STYK1: variants seen among roughly 807,000 people sequenced by gnomAD.
STYK1 encodes the protein tyrosine-protein kinase STYK1.
A neutral mutation model predicts 48.1 loss-of-function variants in STYK1; 46 were observed. That is an observed-to-expected ratio of 0.96 (90% CI 0.75 to 1.22). The LOEUF is 1.22. Ranked by LOEUF, STYK1 falls within the 50% of genes most tolerant of loss-of-function variation. STYK1 has a pLI of 0.00. For missense variants in STYK1, 527 were observed against 521.1 expected (o/e 1.01, Z -0.11); for synonymous variants, 188 against 189.0 (o/e 0.99, Z 0.04).
At chr12:10,666,409 T>C (rs2120815332) in intron 1 of STYK1, among the ~76,000 whole-genome samples, 1 of 152,352 alleles carries the variant, frequency 6.6e-6, no homozygotes. Flanking sequence ...TACTGTCTCC[T>C]AAAGTTGTCC....
chr12:10,631,277 T>G lies in STYK1; in HGVS notation c.219A>C (p.Leu73=), dbSNP rs1947425862. Residue 73 remains leucine (L), a synonymous_variant, in exon 5 of 11, where the codon CTA becomes CTC. Transcript: ENST00000075503. ...GIAPVPPPRD[L]SWEAGHGGNV... is the part of the protein sequence containing the mutation. Reference sequence around the variant, plus strand: ...TTCCTCCATGTCCTGCTTCCCAGCTTAGGTCCCTAGGTGGAGGAACAGGGG... The same window carrying G: ...TTCCTCCATGTCCTGCTTCCCAGCTGAGGTCCCTAGGTGGAGGAACAGGGG... 1 of 1,614,068 alleles carries G rather than the reference T, an allele frequency of 6.2e-7. No individual in the cohort carries two copies. Among genetic ancestry groups the G allele is most frequent in the African/African-American group, 1.3e-5 (1 of 74,906 alleles).
In STYK1 at chr12:10,634,548, C is replaced by T; in HGVS notation, c.52+19G>A. On this transcript the variant is annotated intron_variant, in intron 3 of 10. Coordinates refer to ENST00000075503, the MANE Select transcript of STYK1 (RefSeq NM_018423.3). The stretch of plus-strand genomic sequence containing the variant: ...AATTCTAAAATCAGAGGATAGACAT[C>T]TGTGGAATCCGTACTTACCACACAA... 1 of 1,611,242 alleles carries T rather than the reference C, an allele frequency of 6.2e-7. No homozygotes were observed. The highest frequency in any genetic ancestry group is 1.7e-4 in the Middle Eastern group (1 of 6,056).
chr12:10,628,198 C>T (rs1947381865), intron 6 of STYK1, among the ~76,000 whole-genome samples: 1 of 152,148 alleles, frequency 6.6e-6, no homozygotes, highest in Non-Finnish European at 1.5e-5. Flanking sequence ...ACATGTGAAT[C>T]AGAATCAAAT....
intron 4 of STYK1, among the ~76,000 whole-genome samples, chr12:10,632,596 C>CAGATAACTAACAGGACTGACTGTATTAAA (rs1947441868): frequency 6.6e-6 from 1 of 152,054 alleles, no homozygotes; most frequent in Non-Finnish European, 1.5e-5. Flanking sequence ...AGATTTCAAG[C>CAGATAACTAACAGGACTGACTGTATTAAA]AGATAACTAA....
intron 1 of STYK1, among the ~76,000 whole-genome samples, chr12:10,655,840 A>G (rs139928297): frequency 2.0e-3 from 302 of 152,344 alleles, no homozygotes; most frequent in Middle Eastern, 3.4e-3. Flanking sequence ...TTGAAGTGCT[A>G]TGGTTAAAAG....
At chr12:10,663,272 C>T (rs1374383792) in intron 1 of STYK1, among the ~76,000 whole-genome samples, 1 of 152,068 alleles carries the variant, frequency 6.6e-6, no homozygotes, top group South Asian at 2.1e-4. Flanking sequence ...TGCCACAGCA[C>T]CCAGCCCACA....
At chr12:10,663,067 T>C (rs779479277) in intron 1 of STYK1, among the ~76,000 whole-genome samples, 21 of 152,236 alleles carry the variant, frequency 1.4e-4, no homozygotes, top group Non-Finnish European at 2.5e-4. Context: ...GCATAATTTG[T>C]TAAAGACAAT....
At chr12:10,667,494 G>T (rs1031102297) in intron 1 of STYK1, 4 of 152,042 alleles carry the variant, frequency 2.6e-5, no homozygotes, top group Non-Finnish European at 5.9e-5. Flanking sequence ...GCTGGACGTG[G>T]TGGTGCATGC....
At chr12:10,629,360 G>T (rs1462767028) in intron 6 of STYK1, 133 bp downstream of exon 6, 3 of 882,302 alleles carry the variant, frequency 3.4e-6, no homozygotes, top group Non-Finnish European at 5.2e-6. Context: ...TCTATTATAT[G>T]GTCATACTCC....
At chr12:10,667,075 C>A (rs1947841319) in intron 1 of STYK1, among the ~76,000 whole-genome samples, 2 of 152,020 alleles carry the variant, frequency 1.3e-5, no homozygotes, top group Non-Finnish European at 1.5e-5. Context: ...TAATTTAGAT[C>A]AATATTCTAA....
chr12:10,623,171 T>C (rs1440173935), intron 8 of STYK1, among the ~76,000 whole-genome samples: 1 of 152,224 alleles, frequency 6.6e-6, no homozygotes, highest in African/African-American at 2.4e-5. Flanking sequence ...GCTTTATATA[T>C]AGTTGAAATA....
Position 10,624,681 on chromosome 12 carries a change from A to T in STYK1, c.896T>A (p.Leu299His). 1 of 1,614,126 alleles carries T rather than the reference A, an allele frequency of 6.2e-7. No individual in the cohort carries two copies. Among genetic ancestry groups the T allele is most frequent in the Non-Finnish European group, 8.5e-7 (1 of 1,179,994 alleles). The change falls in exon 8 of 11, where the codon CTC becomes CAC. Residue 299 changes from leucine to histidine, a missense_variant. Coordinates refer to ENST00000075503, the MANE Select transcript of STYK1 (RefSeq NM_018423.3). ...PLKWLAPERL[L>H]LRPASIRADV... ...TGCTCTGATGCTAGCAGGTCTCAGG[A>T]GAAGCCGTTCTGGGGCAAGCCACTT... is the stretch of plus-strand genomic sequence containing the variant.
chr12:10,639,125 C>A (rs1565565293), intron 1 of STYK1, among the ~76,000 whole-genome samples: 1 of 151,792 alleles, frequency 6.6e-6, no homozygotes, highest in East Asian at 1.9e-4. Context: ...CTTGAGCTAT[C>A]TGGAAAAAAA....
At chr12:10,651,869 CT>C (rs67742758) in intron 1 of STYK1, among the ~76,000 whole-genome samples, 83,304 of 151,528 alleles carry the variant, frequency 0.55, 23,577 homozygotes, top group East Asian at 0.79. Flanking sequence ...TTGTTCTATT[CT>C]TTTTTTTTGT....
chr12:10,633,856 TG>T, intron 4 of STYK1, 133 bp downstream of exon 4: 2 of 1,078,114 alleles, frequency 1.9e-6, no homozygotes, highest in Non-Finnish European at 2.7e-6. Flanking sequence ...CTCAACTCCA[TG>T]GGAGGGAACC....
intron 1 of STYK1, among the ~76,000 whole-genome samples, chr12:10,658,000 C>G (rs1947736759): frequency 6.6e-6 from 1 of 152,106 alleles, no homozygotes; most frequent in Non-Finnish European, 1.5e-5. Context: ...GTTATCCTCA[C>G]TTAAAAGTTA....
intron 6 of STYK1, 137 bp from the exon 7 acceptor site, chr12:10,627,861 G>C (rs372940308): frequency 4.8e-6 from 3 of 626,692 alleles, no homozygotes; most frequent in Non-Finnish European, 2.6e-6. Flanking sequence ...TTCAAAGTGA[G>C]GCTGTGGGAG....
chr12:10,660,194 G>A (rs182938534), intron 1 of STYK1, among the ~76,000 whole-genome samples: 1 of 152,246 alleles, frequency 6.6e-6, no homozygotes, highest in Admixed American at 6.5e-5. Flanking sequence ...TGTACCCTTT[G>A]TGTAGGAATG....
chr12:10,670,995 ATTTTTTTTTTT>A (rs763044772), intron 1 of STYK1, among the ~76,000 whole-genome samples: 1 of 110,508 alleles, frequency 9.0e-6, no homozygotes, highest in Admixed American at 1.1e-4. Context: ...GAATATATTG[ATTTTTTTTTTT>A]TTTTTTTTTT....
Sources: gnomAD v4.1 joint callset for allele counts (sites outside exome capture counted in the v4.1 genomes callset) on GRCh38, gnomAD v4.1.1 for gene constraint, MANE v1.5 for transcripts, NCBI Gene and HGNC (gene_info 2026-07-23, HGNC 2026-07-21) for gene names.